Variants in RBFOX1 observed in about 807,000 individuals in gnomAD.
RBFOX1 encodes the protein RNA binding protein fox-1 homolog 1.
A neutral mutation model predicts 57.7 loss-of-function variants in RBFOX1; 8 were observed. The ratio of observed to expected loss-of-function variants is 0.14; its 90% confidence interval spans 0.08 to 0.25. The LOEUF is 0.25. Ranked by LOEUF, RBFOX1 falls within the 10% of genes least tolerant of loss-of-function variation. The probability of loss-of-function intolerance (pLI) is 1.00; values close to 1 mark genes in which losing one functional copy is unlikely to be tolerated. For missense variants in RBFOX1, 611 were observed against 548.5 expected, an observed-to-expected ratio of 1.11 and a Z score of -1.14; for synonymous variants, 326 against 222.4, an observed-to-expected ratio of 1.47 and a Z score of -4.15.
At chr16:6,902,391 A>G (rs2068709458) in intron 3 of RBFOX1, among the ~76,000 whole-genome samples, 3 of 152,202 alleles carry the variant, frequency 2.0e-5, no homozygotes, top group Admixed American at 2.0e-4. Context: ...AGCTATCAAG[A>G]GGAAAGTCTT....
At chr16:6,522,610 G>A (rs2096523547) in intron 2 of RBFOX1, among the ~76,000 whole-genome samples, 1 of 152,116 alleles carries the variant, frequency 6.6e-6, no homozygotes, top group African/African-American at 2.4e-5. Flanking sequence ...AATATGACCT[G>A]TTCAGAAACC....
chr16:7,532,242 G>C (rs979718842), intron 5 of RBFOX1, among the ~76,000 whole-genome samples: 1 of 151,694 alleles, frequency 6.6e-6, no homozygotes, highest in Non-Finnish European at 1.5e-5. Flanking sequence ...TGGGAGTTGG[G>C]TTAGCAGTTA....
intron 5 of RBFOX1, among the ~76,000 whole-genome samples, chr16:7,541,462 G>GTTT (rs1555570953): frequency 4.1e-5 from 6 of 148,028 alleles, no homozygotes; most frequent in Non-Finnish European, 4.5e-5. Context: ...TTTTTATCAG[G>GTTT]TTTTTTTTTT....
chr16:6,855,902 C>T (rs1246973549), intron 3 of RBFOX1, among the ~76,000 whole-genome samples: 1 of 151,020 alleles, frequency 6.6e-6, no homozygotes, highest in Non-Finnish European at 1.5e-5. Context: ...CTCCTTACCT[C>T]CCTTCTTTCC....
chr16:5,739,300 A>G (rs961260798), intron 3 of RBFOX1, among the ~76,000 whole-genome samples: 1 of 152,244 alleles, frequency 6.6e-6, no homozygotes, highest in Non-Finnish European at 1.5e-5. Flanking sequence ...CTTTTAGCAC[A>G]TAACTGTTGT....
intron 4 of RBFOX1, among the ~76,000 whole-genome samples, chr16:7,413,950 T>C (rs185540630): frequency 9.2e-5 from 14 of 152,282 alleles, no homozygotes; most frequent in Admixed American, 3.9e-4. Context: ...TAGTAATTAC[T>C]TTCCAAACTC....
chr16:5,294,526 G>A (rs2063614569), intron 1 of RBFOX1, among the ~76,000 whole-genome samples: 1 of 152,098 alleles, frequency 6.6e-6, no homozygotes, highest in African/African-American at 2.4e-5. Flanking sequence ...AAATGCACTG[G>A]GATCCCTCGT....
chr16:6,544,296 A>G (rs2096865346), intron 2 of RBFOX1, among the ~76,000 whole-genome samples: 1 of 152,194 alleles, frequency 6.6e-6, no homozygotes, highest in South Asian at 2.1e-4. Context: ...ATAACTTTGA[A>G]TGGATTCAAA....
At chr16:6,632,376 G>A (rs1302632262) in intron 2 of RBFOX1, among the ~76,000 whole-genome samples, 1 of 152,098 alleles carries the variant, frequency 6.6e-6, no homozygotes, top group Non-Finnish European at 1.5e-5. Context: ...AGAAACAAAA[G>A]GACCTCATAA....
rs564671406 is a variant in RBFOX1, at chr16:6,097,877, G to T, written c.-127+77885G>T. 6.6e-6 allele frequency among the ~76,000 whole-genome samples: 1 copy of T among 152,056 alleles called. No individual in the cohort carries two copies. The highest frequency in any genetic ancestry group is 6.5e-5 in the Admixed American group (1 of 15,272). ...GGGGGACGTGTCTGATTTGTGCATG[G>T]CTATTTTGCGATTTGCCATTGCTGG... On this transcript the variant is annotated intron_variant, in intron 1 of 15. Transcript: ENST00000550418. The surrounding 1 kb of genome is among the most constrained non-coding windows in gnomAD (Gnocchi z 5.0).
intron 4 of RBFOX1, among the ~76,000 whole-genome samples, chr16:7,429,542 C>A (rs955112290): frequency 6.6e-6 from 1 of 152,174 alleles, no homozygotes; most frequent in Non-Finnish European, 1.5e-5. Context: ...TTCAAGAGAA[C>A]AGGAAGCCAC....
At chr16:6,670,541 A>G (rs2098757662) in intron 3 of RBFOX1, among the ~76,000 whole-genome samples, 1 of 152,236 alleles carries the variant, frequency 6.6e-6, no homozygotes, top group Admixed American at 6.5e-5. Flanking sequence ...CCCCAAAGAA[A>G]GCATAAGTAG....
chr16:7,326,735 C>T (rs1202239661), intron 4 of RBFOX1, among the ~76,000 whole-genome samples: 1 of 152,022 alleles, frequency 6.6e-6, no homozygotes, highest in African/African-American at 2.4e-5. Context: ...AAAAGGGCGA[C>T]AGAGCCCAGA....
chr16:7,675,608 T>C (rs1393372034), intron 13 of RBFOX1, among the ~76,000 whole-genome samples: 1 of 152,228 alleles, frequency 6.6e-6, no homozygotes, highest in African/African-American at 2.4e-5. Context: ...CCCGTGTACC[T>C]ACATCTTGAA....
chr16:5,652,416 C>T (rs1398713904), intron 3 of RBFOX1, among the ~76,000 whole-genome samples: 1 of 152,108 alleles, frequency 6.6e-6, no homozygotes, highest in African/African-American at 2.4e-5. Flanking sequence ...ACTGGCTTTC[C>T]TACCTTGATG....
chr16:6,590,877 C>G (rs888189868), intron 2 of RBFOX1, among the ~76,000 whole-genome samples: 1 of 152,108 alleles, frequency 6.6e-6, no homozygotes, highest in Middle Eastern at 3.4e-3. Flanking sequence ...TAAGGAGTGA[C>G]CCGTGGCAAA....
intron 3 of RBFOX1, among the ~76,000 whole-genome samples, chr16:6,690,620 G>T (rs151280680): frequency 6.6e-6 from 1 of 152,028 alleles, no homozygotes; most frequent in African/African-American, 2.4e-5. Flanking sequence ...AGCAGGGATT[G>T]GTTGATTCGT....
At chr16:5,413,082 GTA>G (rs1172118042) in intron 1 of RBFOX1, among the ~76,000 whole-genome samples, 3 of 152,182 alleles carry the variant, frequency 2.0e-5, no homozygotes, top group African/African-American at 7.2e-5. Flanking sequence ...AAAGGCTGCT[GTA>G]TTGATGTTTC....
At chr16:7,314,485 A>C (rs963291102) in intron 4 of RBFOX1, among the ~76,000 whole-genome samples, 6 of 152,170 alleles carry the variant, frequency 3.9e-5, no homozygotes, top group African/African-American at 1.4e-4. Flanking sequence ...GTGTGTGTTT[A>C]ATCAGATTCA....
Sources: allele counts gnomAD v4.1 joint callset (sites outside exome capture counted in the v4.1 genomes callset), GRCh38; gene constraint gnomAD v4.1.1; non-coding constraint Gnocchi (gnomAD v3.1); transcripts MANE v1.5; gene names NCBI Gene and HGNC (gene_info 2026-07-23, HGNC 2026-07-21).